Variants in R3HCC1L observed in about 807,000 individuals in gnomAD.
R3HCC1L encodes coiled-coil domain-containing protein R3HCC1L.
R3HCC1L carries 51 observed loss-of-function variants against 59.9 expected under a neutral mutation model. The ratio of observed to expected loss-of-function variants is 0.85; its 90% confidence interval spans 0.68 to 1.07. The LOEUF is 1.07. Ranked by LOEUF, R3HCC1L falls within the 50% of genes least tolerant of loss-of-function variation. The pLI is 0.00. For synonymous variants in R3HCC1L, 322 were observed against 315.2 expected, an observed-to-expected ratio of 1.02 and a Z score of -0.23; for missense variants, 965 against 933.0, an observed-to-expected ratio of 1.03 and a Z score of -0.45.
intron 5 of R3HCC1L, among the ~76,000 whole-genome samples, chr10:98,223,772 CT>C (rs1855337287): frequency 3.3e-5 from 5 of 152,064 alleles, no homozygotes; most frequent in Admixed American, 3.3e-4. Flanking sequence ...GCTGAGTGTG[CT>C]GATCCTTAGG....
At chr10:98,182,758 C>T (rs1241637640) in intron 4 of R3HCC1L, among the ~76,000 whole-genome samples, 1 of 152,210 alleles carries the variant, frequency 6.6e-6, no homozygotes, top group Non-Finnish European at 1.5e-5. Flanking sequence ...GACGCCCCTC[C>T]CTGAGCCAGG....
chr10:98,190,741 T>C (rs9420724), intron 4 of R3HCC1L, among the ~76,000 whole-genome samples: 26,033 of 151,972 alleles, frequency 0.17, 2,307 homozygotes, highest in South Asian at 0.21. Flanking sequence ...GCCATGTTGG[T>C]TTGCTTCACC....
At chr10:98,237,208 T>C (rs192817152) in intron 9 of R3HCC1L, among the ~76,000 whole-genome samples, 2 of 152,316 alleles carry the variant, frequency 1.3e-5, no homozygotes, top group East Asian at 3.9e-4. Flanking sequence ...TTTCCAATCA[T>C]TGTTTACTCA....
intron 9 of R3HCC1L, among the ~76,000 whole-genome samples, chr10:98,238,539 T>C (rs568672611): frequency 6.6e-5 from 10 of 152,290 alleles, no homozygotes; most frequent in African/African-American, 2.2e-4. Flanking sequence ...TATGATGATA[T>C]TGCATTATGA....
At chr10:98,242,760 G>T (rs1482878900) in intron 9 of R3HCC1L, among the ~76,000 whole-genome samples, 3 of 152,102 alleles carry the variant, frequency 2.0e-5, no homozygotes, top group Admixed American at 2.0e-4. Flanking sequence ...ACCAGATTTT[G>T]ATTGCTTTCA....
chr10:98,228,822 A>G (rs1326996443), intron 5 of R3HCC1L, among the ~76,000 whole-genome samples: 1 of 152,188 alleles, frequency 6.6e-6, no homozygotes, highest in Non-Finnish European at 1.5e-5. Context: ...TTTTCCCAGC[A>G]CCATTTGTTA....
At chr10:98,197,405 C>T (rs771377187) in intron 4 of R3HCC1L, among the ~76,000 whole-genome samples, 19 of 152,190 alleles carry the variant, frequency 1.2e-4, no homozygotes, top group Middle Eastern at 3.2e-3. Context: ...TCAGTGTGGT[C>T]TTCCTCACTT....
At chr10:98,190,628 G>A (rs1850723995) in intron 4 of R3HCC1L, among the ~76,000 whole-genome samples, 1 of 152,098 alleles carries the variant, frequency 6.6e-6, no homozygotes, top group Non-Finnish European at 1.5e-5. Flanking sequence ...TAATAGTAGT[G>A]CATATATTAA....
intron 1 of R3HCC1L, among the ~76,000 whole-genome samples, chr10:98,154,182 CAA>C (rs61379048): frequency 0.31 from 28,715 of 93,344 alleles, 2,554 homozygotes; most frequent in African/African-American, 0.36. Context: ...AGAGAATAAG[CAA>C]AAAAAAAAAA....
At chr10:98,143,172 C>T (rs552020410) in intron 1 of R3HCC1L, among the ~76,000 whole-genome samples, 42 of 152,288 alleles carry the variant, frequency 2.8e-4, no homozygotes, top group African/African-American at 9.6e-4. Context: ...AGATTATTAG[C>T]TTGTTTTGGT....
chr10:98,168,976 C>T (rs1848228732), intron 4 of R3HCC1L, among the ~76,000 whole-genome samples: 2 of 152,126 alleles, frequency 1.3e-5, no homozygotes, highest in Admixed American at 6.5e-5. Context: ...GAGGGTGTTC[C>T]TCTCCTGACA....
intron 1 of R3HCC1L, among the ~76,000 whole-genome samples, chr10:98,145,367 T>A (rs1321838364): frequency 1.3e-5 from 2 of 152,114 alleles, no homozygotes; most frequent in Non-Finnish European, 2.9e-5. Flanking sequence ...TACCGCAAAA[T>A]TTTGAGCCTG....
chr10:98,168,734 TG>T lies in R3HCC1L; in HGVS notation c.-15+5339del, dbSNP rs565548811. The stretch of plus-strand genomic sequence containing the variant: ...TGCATCTGAAAATACCATCTGCAGT[TG>T]GTATTTGATGTACAGGTTTCTTCTG... On this transcript the variant is annotated intron_variant, in intron 4 of 9. Coordinates refer to ENST00000298999, the MANE Select transcript of R3HCC1L (RefSeq NM_001351015.2). 8.1e-4 allele frequency among the ~76,000 whole-genome samples: 123 copies of T among 152,340 alleles called. 1 individual carries two copies. The highest frequency in any genetic ancestry group is 2.9e-3 in the African/African-American group (121 of 41,582).
chr10:98,228,184 T>G (rs1855897075), intron 5 of R3HCC1L, among the ~76,000 whole-genome samples: 1 of 152,184 alleles, frequency 6.6e-6, no homozygotes, highest in African/African-American at 2.4e-5. Context: ...GTTGAACCAG[T>G]TTATAGTCCC....
Position 98,209,025 on chromosome 10 carries a change from A to T in R3HCC1L, c.911A>T (p.Asp304Val), listed in dbSNP as rs759427870. ...ACAGGTTTCATCTTAGATCAAAAAG[A>T]TACAGATTCCATTCCTGCAACTATG... ...NSTGFILDQKDTDSIPATMGH... is the reference protein window; with the variant it reads ...NSTGFILDQKVTDSIPATMGH... Residue 304 changes from aspartate to valine, a missense_variant, in exon 5 of 10, where the codon GAT (aspartate) becomes GTT (valine). Physicochemically the swap from Asp to Val is radical, Grantham distance 152. Coordinates refer to ENST00000298999, the MANE Select transcript of R3HCC1L (RefSeq NM_001351015.2). 31 of 1,613,730 alleles carry T rather than the reference A, an allele frequency of 1.9e-5. No individual in the cohort carries two copies. Among genetic ancestry groups the T allele is most frequent in the South Asian group, 8.8e-5 (8 of 91,078 alleles).
At chr10:98,168,448 G>A (rs1848175254) in intron 4 of R3HCC1L, among the ~76,000 whole-genome samples, 1 of 152,098 alleles carries the variant, frequency 6.6e-6, no homozygotes, top group Non-Finnish European at 1.5e-5. Flanking sequence ...TAAGCTGGGG[G>A]CATGAATTGT....
intron 4 of R3HCC1L, among the ~76,000 whole-genome samples, chr10:98,173,464 G>A (rs1006576623): frequency 3.9e-5 from 6 of 152,108 alleles, no homozygotes; most frequent in Admixed American, 6.5e-5. Flanking sequence ...GAGATGCTTC[G>A]GAAATGAGAG....
rs1208576211 is a variant in R3HCC1L at position 98,231,612 on chromosome 10, C to T, written c.1886C>T (p.Pro629Leu). 5 of 1,612,384 alleles carry T rather than the reference C, an allele frequency of 3.1e-6. No homozygotes were observed. The highest frequency in any genetic ancestry group is 4.2e-6 in the Non-Finnish European group (5 of 1,178,714). The change falls in exon 6 of 10, where the codon CCA becomes CTA. Residue 629 changes from proline (P) to leucine (L), a missense_variant. Transcript: ENST00000298999. ...ATTGACCTCAGTGATTGTGAATTCC[C>T]ACATGTCATTGAAATTTATGACTTT... ...PDIDLSDCEFPHVIEIYDFPQ... is the reference protein window; with the variant it reads ...PDIDLSDCEFLHVIEIYDFPQ...
intron 5 of R3HCC1L, among the ~76,000 whole-genome samples, chr10:98,221,903 C>T (rs887346248): frequency 2.0e-5 from 3 of 152,044 alleles, no homozygotes; most frequent in Admixed American, 2.0e-4. Context: ...TAGTTTTTTC[C>T]AATTCTGTGA....
Sources: allele counts gnomAD v4.1 joint callset (sites outside exome capture counted in the v4.1 genomes callset), GRCh38; gene constraint gnomAD v4.1.1; transcripts MANE v1.5; gene names NCBI Gene and HGNC (gene_info 2026-07-23, HGNC 2026-07-21).